Variants in NAALADL2 observed in about 807,000 individuals in gnomAD.
NAALADL2 encodes the protein N-acetylated alpha-linked acidic dipeptidase like 2, also known as inactive N-acetylated-alpha-linked acidic dipeptidase-like protein 2.
Under a neutral mutation model 87.2 loss-of-function variants are expected in NAALADL2, and 76 were observed. That is an observed-to-expected ratio of 0.87 (90% CI 0.72 to 1.05). The LOEUF (loss-of-function observed/expected upper bound fraction) is 1.05, where lower values mean the gene tolerates loss of function less well. Among genes scored for constraint, NAALADL2 ranks in the 50% least tolerant of loss-of-function variants. NAALADL2 has a pLI of 0.00. For missense variants in NAALADL2, 1,089 were observed against 945.8 expected (o/e 1.15, Z -1.99); for synonymous variants, 354 against 331.0 (o/e 1.07, Z -0.75).
At chr3:175,691,166 TAG>T (rs1282445277) in intron 11 of NAALADL2, among the ~76,000 whole-genome samples, 1 of 151,204 alleles carries the variant, frequency 6.6e-6, no homozygotes, top group African/African-American at 2.4e-5. Context: ...AAAGTCTATA[TAG>T]AGACAGAAAC....
intron 1 of NAALADL2, among the ~76,000 whole-genome samples, chr3:174,498,456 T>G (rs1214175208): frequency 6.6e-6 from 1 of 151,864 alleles, no homozygotes; most frequent in African/African-American, 2.4e-5. Flanking sequence ...TTAATAAACA[T>G]TTGAGATTTT....
At chr3:174,741,644 A>G (rs967896990) in intron 3 of NAALADL2, among the ~76,000 whole-genome samples, 1 of 151,814 alleles carries the variant, frequency 6.6e-6, no homozygotes, top group African/African-American at 2.4e-5. Context: ...TGAAGAGCTG[A>G]GTAATATTTT....
chr3:174,826,475 C>T (rs115868124), intron 3 of NAALADL2, among the ~76,000 whole-genome samples: 233 of 152,296 alleles, frequency 1.5e-3, no homozygotes, highest in Non-Finnish European at 2.6e-3. Context: ...AGTGAGGCCT[C>T]ATTAAATGTT....
chr3:174,738,696 C>T (rs1415382681), intron 3 of NAALADL2, among the ~76,000 whole-genome samples: 1 of 152,088 alleles, frequency 6.6e-6, no homozygotes, highest in Non-Finnish European at 1.5e-5. Context: ...TATTTCCACT[C>T]GACACATGTC....
intron 2 of NAALADL2, among the ~76,000 whole-genome samples, chr3:175,135,147 A>G (rs919346253): frequency 6.6e-6 from 1 of 152,136 alleles, no homozygotes; most frequent in Non-Finnish European, 1.5e-5. Flanking sequence ...AACAGTTTAA[A>G]CGTTTATGCT....
chr3:174,971,361 G>A (rs954671944), intron 1 of NAALADL2, among the ~76,000 whole-genome samples: 3 of 152,242 alleles, frequency 2.0e-5, no homozygotes, highest in South Asian at 2.1e-4. Context: ...TTCTTTCTTC[G>A]TGGTGTCCTT....
chr3:174,800,229 A>C (rs1346830307), intron 3 of NAALADL2, among the ~76,000 whole-genome samples: 1 of 152,076 alleles, frequency 6.6e-6, no homozygotes, highest in Non-Finnish European at 1.5e-5. Flanking sequence ...AGAAAATATC[A>C]CCAGGGCATC....
chr3:175,485,287 C>T (rs953170616), intron 9 of NAALADL2, among the ~76,000 whole-genome samples: 3 of 152,038 alleles, frequency 2.0e-5, no homozygotes, highest in Non-Finnish European at 4.4e-5. Flanking sequence ...TGGTGATGCT[C>T]ACATAATGGG....
At chr3:175,728,965 G>C (rs895212911) in intron 11 of NAALADL2, among the ~76,000 whole-genome samples, 2 of 152,072 alleles carry the variant, frequency 1.3e-5, no homozygotes, top group East Asian at 3.9e-4. Context: ...ACCCCAGATT[G>C]CTGCTCATTT....
chr3:175,293,971 A>G (rs141801439), intron 4 of NAALADL2, among the ~76,000 whole-genome samples: 112 of 152,320 alleles, frequency 7.4e-4, no homozygotes, highest in African/African-American at 2.6e-3. Context: ...GTTGTAAAGA[A>G]GACATCCTAG....
chr3:175,327,657 C>T (rs1211034862), intron 5 of NAALADL2, among the ~76,000 whole-genome samples: 5 of 151,968 alleles, frequency 3.3e-5, no homozygotes, highest in Non-Finnish European at 5.9e-5. Context: ...AGAGAAGTAA[C>T]AAGACAAAAG....
intron 11 of NAALADL2, among the ~76,000 whole-genome samples, chr3:175,669,132 C>A (rs1489573143): frequency 1.3e-5 from 2 of 152,046 alleles, no homozygotes; most frequent in Non-Finnish European, 2.9e-5. Flanking sequence ...TAATACTATT[C>A]TAATTTCCTA....
intron 9 of NAALADL2, among the ~76,000 whole-genome samples, chr3:175,507,064 C>T (rs1440079263): frequency 1.3e-5 from 2 of 151,922 alleles, no homozygotes; most frequent in South Asian, 4.2e-4. Flanking sequence ...TAGCTCTTTC[C>T]TATTGACCTA....
chr3:174,473,228 C>T (rs2108314846), intron 1 of NAALADL2, among the ~76,000 whole-genome samples: 1 of 152,220 alleles, frequency 6.6e-6, no homozygotes, highest in East Asian at 1.9e-4. Context: ...CCCTGCCAAC[C>T]TGGATCAATA....
intron 9 of NAALADL2, among the ~76,000 whole-genome samples, chr3:175,573,171 G>T (rs62285564): frequency 6.6e-6 from 1 of 151,952 alleles, no homozygotes; most frequent in East Asian, 1.9e-4. Context: ...AAAAAATTTC[G>T]ATCTAAGGAG....
In NAALADL2 at chr3:174,614,916, A is replaced by G. The variant is rs1173760038; in HGVS notation, c.-115+64279A>G. 2.6e-5 allele frequency among the ~76,000 whole-genome samples: 4 copies of G among 152,180 alleles called. No homozygotes were observed. In the East Asian group the frequency reaches 5.8e-4, roughly 22 times the overall value. On this transcript the variant is annotated intron_variant, in intron 2 of 3. Coordinates refer to the NAALADL2 transcript ENST00000434257. The stretch of plus-strand genomic sequence containing the variant: ...AACTGAGATGGGGAAATTTTATACT[A>G]TAATGAACTTTTCTCCAGTATGAAG...
intron 4 of NAALADL2, among the ~76,000 whole-genome samples, chr3:175,301,545 A>G (rs965694502): frequency 1.3e-5 from 2 of 152,140 alleles, no homozygotes; most frequent in African/African-American, 4.8e-5. Context: ...GAATATGAAA[A>G]CTCATACTAA....
chr3:174,557,036 G>A (rs965104919), intron 2 of NAALADL2, among the ~76,000 whole-genome samples: 5 of 152,052 alleles, frequency 3.3e-5, no homozygotes, highest in African/African-American at 7.2e-5. Flanking sequence ...TTGAGCCACC[G>A]TGCCCAGCTA....
chr3:175,801,595 A>AGAT (rs1332660485), intron 13 of NAALADL2, among the ~76,000 whole-genome samples: 1 of 152,034 alleles, frequency 6.6e-6, no homozygotes, highest in Non-Finnish European at 1.5e-5. Context: ...TCATCTTTCA[A>AGAT]GATGCAATTT....
Sources: allele counts gnomAD v4.1 joint callset (sites outside exome capture counted in the v4.1 genomes callset), GRCh38; gene constraint gnomAD v4.1.1; transcripts MANE v1.5; gene names NCBI Gene and HGNC (gene_info 2026-07-23, HGNC 2026-07-21).